The following FAM78B variants were observed in gnomAD, a reference collection of about 807,000 sequenced individuals.
FAM78B encodes the protein family with sequence similarity 78 member B, also known as protein FAM78B.
FAM78B carries 10 observed loss-of-function variants against 20.0 expected under a neutral mutation model. The ratio of observed to expected loss-of-function variants is 0.50; its 90% CI spans 0.31 to 0.85. The LOEUF is 0.85. Ranked by LOEUF, FAM78B falls within the 40% of genes least tolerant of loss-of-function variation. FAM78B has a pLI of 0.05. For missense variants in FAM78B, 283 were observed against 345.0 expected (o/e 0.82, Z 1.42); for synonymous variants, 135 against 132.8 (o/e 1.02, Z -0.12).
At chr1:166,093,494 C>T (rs1653157514) in intron 1 of FAM78B, among the ~76,000 whole-genome samples, 1 of 152,128 alleles carries the variant, frequency 6.6e-6, no homozygotes, top group Admixed American at 6.6e-5. Context: ...ACATTACTGC[C>T]CTGACATGTT....
intron 1 of FAM78B, among the ~76,000 whole-genome samples, chr1:166,110,886 T>C (rs1044083728): frequency 6.6e-5 from 10 of 152,180 alleles, no homozygotes; most frequent in African/African-American, 1.9e-4. Flanking sequence ...TGAGCATATA[T>C]TGGCACTATA....
intron 2 of FAM78B, among the ~76,000 whole-genome samples, chr1:166,061,445 A>G (rs1651594891): frequency 6.6e-6 from 1 of 152,202 alleles, no homozygotes; most frequent in African/African-American, 2.4e-5. Context: ...AAATTAATTA[A>G]TATGTTGCCT....
intron 1 of FAM78B, among the ~76,000 whole-genome samples, chr1:166,107,244 A>C (rs1268436426): frequency 6.6e-6 from 1 of 152,172 alleles, no homozygotes; most frequent in Non-Finnish European, 1.5e-5. Flanking sequence ...TAAAATTGAT[A>C]GACCATTGGC....
intron 1 of FAM78B, among the ~76,000 whole-genome samples, chr1:166,080,709 C>T (rs1652531865): frequency 6.6e-6 from 1 of 152,250 alleles, no homozygotes; most frequent in Non-Finnish European, 1.5e-5. Context: ...GGCTTTTCAT[C>T]TAACGTGAAG....
chr1:166,077,311 A>C (rs1652312593), intron 1 of FAM78B, among the ~76,000 whole-genome samples: 1 of 152,182 alleles, frequency 6.6e-6, no homozygotes, highest in Non-Finnish European at 1.5e-5. Flanking sequence ...AGTTGTGTGA[A>C]CTTTCTGTAC....
intron 1 of FAM78B, among the ~76,000 whole-genome samples, chr1:166,102,374 A>T (rs2101748123): frequency 6.6e-6 from 1 of 152,338 alleles, no homozygotes; most frequent in African/African-American, 2.4e-5. Flanking sequence ...ACGTAAATGT[A>T]AATGGGCTAA....
downstream of FAM78B, chr1:166,057,415 G>C (rs1484305215): frequency 6.6e-6 from 1 of 152,186 alleles, no homozygotes. Flanking sequence ...CAAAATTAAA[G>C]AGAAAACATA....
Position 166,166,426 on chromosome 1 carries a change from C to A in FAM78B, c.-178G>T. 2.6e-6 allele frequency: 1 copy of A among 380,800 alleles called. No homozygotes were observed. Among genetic ancestry groups the A allele is most frequent in the East Asian group, 1.5e-4 (1 of 6,654 alleles). The allele number at this position is 380,800 out of a possible 1,614,324, so 23.6% of individuals were successfully genotyped here. A position where few individuals can be genotyped will look rare whatever the true frequency, so the allele number is the denominator to read the frequency against. Reference sequence around the variant, plus strand: ...TGGGGAAGCCCCCTCCTCTTGCAGCCGCGCGGGGTCCCCGCTGCCCCGACG... The same window carrying A: ...TGGGGAAGCCCCCTCCTCTTGCAGCAGCGCGGGGTCCCCGCTGCCCCGACG... On this transcript the variant is annotated 5_prime_UTR_variant, in exon 1 of 2. Transcript: ENST00000354422.
intron 1 of FAM78B, among the ~76,000 whole-genome samples, chr1:166,118,855 C>G (rs1654360387): frequency 6.6e-6 from 1 of 152,116 alleles, no homozygotes; most frequent in African/African-American, 2.4e-5. Flanking sequence ...TTTGTTTCTC[C>G]ACTTCTGCTC....
At chr1:166,160,429 G>T (rs191860025) in intron 1 of FAM78B, among the ~76,000 whole-genome samples, 1 of 152,176 alleles carries the variant, frequency 6.6e-6, no homozygotes, top group South Asian at 2.1e-4. Flanking sequence ...GCAAGGCTTC[G>T]GTGTTTGCTG....
intron 1 of FAM78B, among the ~76,000 whole-genome samples, chr1:166,122,723 G>A (rs373479212): frequency 1.3e-5 from 2 of 152,242 alleles, no homozygotes; most frequent in East Asian, 3.9e-4. Flanking sequence ...AAATGGGGAT[G>A]GAAAATATCT....
chr1:166,157,730 T>C (rs577939355), intron 1 of FAM78B, among the ~76,000 whole-genome samples: 2 of 152,294 alleles, frequency 1.3e-5, no homozygotes, highest in African/African-American at 4.8e-5. Flanking sequence ...GAGGGATGAA[T>C]AGCTATCCAT....
At chr1:166,118,478 T>C (rs1317993073) in intron 1 of FAM78B, among the ~76,000 whole-genome samples, 2 of 152,206 alleles carry the variant, frequency 1.3e-5, no homozygotes, top group African/African-American at 4.8e-5. Flanking sequence ...TATAGCTTTA[T>C]TGCTAGAAAT....
At chr1:166,121,727 T>C (rs914332084) in intron 1 of FAM78B, among the ~76,000 whole-genome samples, 10 of 152,200 alleles carry the variant, frequency 6.6e-5, no homozygotes, top group Non-Finnish European at 1.3e-4. Flanking sequence ...AACAACTCTA[T>C]GAGGTAGGTA....
intron 1 of FAM78B, among the ~76,000 whole-genome samples, chr1:166,073,534 CTCT>C (rs1403199640): frequency 4.5e-4 from 61 of 134,222 alleles, no homozygotes; most frequent in African/African-American, 1.0e-3. Context: ...TTCTCTTTCT[CTCT>C]TTTTTTTTTT....
intron 1 of FAM78B, among the ~76,000 whole-genome samples, chr1:166,103,501 T>C (rs1309224099): frequency 6.6e-6 from 1 of 151,878 alleles, no homozygotes; most frequent in Admixed American, 6.6e-5. Flanking sequence ...ATAGACACAA[T>C]AAAAAATGAT....
At chr1:166,143,707 G>A (rs1489919934) in intron 1 of FAM78B, among the ~76,000 whole-genome samples, 1 of 152,090 alleles carries the variant, frequency 6.6e-6, no homozygotes, top group African/African-American at 2.4e-5. Flanking sequence ...AGGCAGTGAG[G>A]GTTGCTCTAA....
chr1:166,060,553 C>G (rs1395403214), exon 3 of FAM78B: 2 of 1,217,662 alleles, frequency 1.6e-6, no homozygotes, highest in Non-Finnish European at 2.2e-6. Context: ...AATGGGAAAT[C>G]AGCTGTCCAG....
At chr1:166,113,054 A>T (rs904125988) in intron 1 of FAM78B, among the ~76,000 whole-genome samples, 1 of 152,252 alleles carries the variant, frequency 6.6e-6, no homozygotes, top group Admixed American at 6.5e-5. Flanking sequence ...TATTGTAGGG[A>T]AAGAGGCTCA....
Sources: gnomAD v4.1 joint callset for allele counts (sites outside exome capture counted in the v4.1 genomes callset) on GRCh38, gnomAD v4.1.1 for gene constraint, MANE v1.5 for transcripts, NCBI Gene and HGNC (gene_info 2026-07-23, HGNC 2026-07-21) for gene names.